Variants in ACVR1 observed in about 807,000 individuals in gnomAD.
The protein encoded by ACVR1 is activin receptor type-1.
ACVR1 carries 38 observed loss-of-function variants against 57.1 expected under a neutral mutation model. The observed-to-expected ratio is 0.67, with a 90% confidence interval of 0.51 to 0.87. The LOEUF (loss-of-function observed/expected upper bound fraction) is 0.87, where lower values mean the gene tolerates loss of function less well. Ranked by LOEUF, ACVR1 falls within the 40% of genes least tolerant of loss-of-function variation. The pLI is 0.00. For missense variants in ACVR1, 463 were observed against 638.2 expected (o/e 0.73, Z 2.96); for synonymous variants, 212 against 228.1 (o/e 0.93, Z 0.63).
intron 1 of ACVR1, among the ~76,000 whole-genome samples, chr2:157,864,638 T>C (rs1328979886): frequency 6.6e-6 from 1 of 152,192 alleles, no homozygotes; most frequent in Non-Finnish European, 1.5e-5. Context: ...TGGCTAAATA[T>C]CTCAAAATTT....
rs552652322 is a variant in ACVR1, at chr2:157,841,454, A to G, written c.-182-22895T>C. Among the ~76,000 whole-genome samples, 8 of 152,330 alleles carry G rather than the reference A, an allele frequency of 5.3e-5. No homozygotes were observed. In the East Asian group the frequency reaches 1.3e-3, roughly 26 times the overall value. On this transcript the variant is annotated intron_variant, in intron 1 of 10. Transcript: ENST00000434821. ...CAAGAAGGCCACTAAGACTGCTTAG[A>G]CATGTATTTTAACGACCGCATTTAC... is the stretch of plus-strand genomic sequence containing the variant.
At position 157,736,762 on chromosome 2, in the gene ACVR1, A is replaced by C. The variant is rs1051731069; in HGVS notation, c.*769T>G. ...TGATTTTAACTGATAATAAAAGAAA[A>C]TGTCCATTTTAGAGTATAGTGTTAA... is the stretch of plus-strand genomic sequence containing the variant. On this transcript the variant is annotated 3_prime_UTR_variant, in exon 11 of 11. Transcript: ENST00000434821. 11 of 344,430 alleles carry C rather than the reference A, an allele frequency of 3.2e-5. 1 individual carries two copies. The Admixed American group carries it at 5.4e-4, about 17-fold the overall frequency. 21.3% of individuals were successfully genotyped at this position (344,430 alleles called of 1,614,324 possible). A position where few individuals can be genotyped will look rare whatever the true frequency, so the allele number is the denominator to read the frequency against.
At chr2:157,836,071 C>T (rs983221477) in intron 1 of ACVR1, among the ~76,000 whole-genome samples, 1 of 152,194 alleles carries the variant, frequency 6.6e-6, no homozygotes, top group Non-Finnish European at 1.5e-5. Context: ...GACGACCTGA[C>T]ATTTAGAAAA....
chr2:157,810,740 A>T (rs1687723003), intron 2 of ACVR1, among the ~76,000 whole-genome samples: 1 of 151,610 alleles, frequency 6.6e-6, no homozygotes, highest in South Asian at 2.1e-4. Context: ...AACTACCACC[A>T]CCTCCTCAGC....
At position 157,862,869 on chromosome 2, in the gene ACVR1, C is replaced by CA. The variant is rs1158581005; in HGVS notation, c.-183+12926dup. On this transcript the variant is annotated intron_variant, in intron 1 of 10. Coordinates refer to ENST00000434821, the MANE Select transcript of ACVR1 (RefSeq NM_001111067.4). ...TGGGCGACAGAGCGAGACTCCGTCT[C>CA]AAAAAAAAAAAAAAAGAAAAGGTAA... Among the ~76,000 whole-genome samples, 3 of 141,616 alleles carry CA rather than the reference C, an allele frequency of 2.1e-5. 1 individual carries two copies. The highest frequency in any genetic ancestry group is 8.8e-5 in the African/African-American group (3 of 34,248). The allele number at this position is 141,616 out of a possible 152,430, so 92.9% of individuals were successfully genotyped here.
intron 1 of ACVR1, among the ~76,000 whole-genome samples, chr2:157,841,518 G>A (rs1271646150): frequency 6.6e-6 from 1 of 152,128 alleles, no homozygotes; most frequent in East Asian, 1.9e-4. Context: ...AAACAAAATT[G>A]TCAGGACTTA....
intron 1 of ACVR1, among the ~76,000 whole-genome samples, chr2:157,867,093 C>T (rs1272717170): frequency 6.6e-6 from 1 of 152,212 alleles, no homozygotes; most frequent in Admixed American, 6.5e-5. Context: ...CCCAACGCCA[C>T]AATCCATTCC....
rs981660425 is a variant in ACVR1 at position 157,785,662 on chromosome 2, T to G, written c.68-5062A>C. On this transcript the variant is annotated intron_variant, in intron 3 of 10. Transcript: ENST00000434821. ...CATTTAGGGAACTCAAATCATTTTT[T>G]TTCCTTATCCGAGAGACTGACACCT... Among the ~76,000 whole-genome samples, 14 of 152,312 alleles carry G rather than the reference T, an allele frequency of 9.2e-5. 1 individual carries two copies. Among genetic ancestry groups the G allele is most frequent in the Admixed American group, 7.8e-4 (12 of 15,296 alleles).
At chr2:157,861,059 C>T (rs567313497) in intron 1 of ACVR1, among the ~76,000 whole-genome samples, 5 of 152,274 alleles carry the variant, frequency 3.3e-5, no homozygotes, top group African/African-American at 4.8e-5. Context: ...AGGCCCTTTC[C>T]CCACCTGACA....
chr2:157,829,365 AAC>A (rs1353027265), intron 1 of ACVR1, among the ~76,000 whole-genome samples: 1 of 152,198 alleles, frequency 6.6e-6, no homozygotes, highest in Non-Finnish European at 1.5e-5. Flanking sequence ...CGCTGCCTAC[AAC>A]CCAGCCCAGG....
chr2:157,852,282 G>C (rs556545612), intron 1 of ACVR1, among the ~76,000 whole-genome samples: 2 of 152,124 alleles, frequency 1.3e-5, no homozygotes, highest in Middle Eastern at 3.4e-3. Context: ...TGGATCGCTT[G>C]AGCTCAGAAA....
At chr2:157,826,153 C>A (rs1688340743) in intron 1 of ACVR1, among the ~76,000 whole-genome samples, 1 of 152,150 alleles carries the variant, frequency 6.6e-6, no homozygotes, top group Non-Finnish European at 1.5e-5. Flanking sequence ...CAGGCCAGGA[C>A]CAGATTTTCT....
At chr2:157,763,360 C>A (rs968607783) in intron 8 of ACVR1, among the ~76,000 whole-genome samples, 4 of 152,054 alleles carry the variant, frequency 2.6e-5, no homozygotes, top group African/African-American at 9.7e-5. Flanking sequence ...AAAGTTTTAA[C>A]AATTATTGAA....
chr2:157,855,239 A>G (rs1689468563), intron 1 of ACVR1, among the ~76,000 whole-genome samples: 1 of 144,984 alleles, frequency 6.9e-6, no homozygotes. Context: ...CAACATGGTG[A>G]AACCTCGTCT....
At chr2:157,758,652 G>A (rs998590114) in intron 9 of ACVR1, among the ~76,000 whole-genome samples, 1 of 151,984 alleles carries the variant, frequency 6.6e-6, no homozygotes, top group African/African-American at 2.4e-5. Context: ...CATCTAGACA[G>A]AAAAATCCAA....
chr2:157,780,652 A>G (rs1686480995), intron 3 of ACVR1, 52 bp from the exon 4 acceptor site: 3 of 1,597,726 alleles, frequency 1.9e-6, no homozygotes, highest in Middle Eastern at 1.7e-4. Flanking sequence ...GAATTACCGT[A>G]TGAGTTTCAC....
intron 9 of ACVR1, among the ~76,000 whole-genome samples, chr2:157,745,579 A>G (rs1684935575): frequency 1.3e-5 from 2 of 152,236 alleles, no homozygotes; most frequent in Non-Finnish European, 2.9e-5. Context: ...AATCAGGGAC[A>G]TGAAATTCCA....
chr2:157,798,836 G>A (rs1687216615), intron 3 of ACVR1, among the ~76,000 whole-genome samples: 1 of 151,084 alleles, frequency 6.6e-6, no homozygotes, highest in African/African-American at 2.4e-5. Context: ...CCTCGCATTT[G>A]TTTAAACACA....
intron 1 of ACVR1, among the ~76,000 whole-genome samples, chr2:157,830,481 T>G (rs977106621): frequency 2.6e-5 from 4 of 152,182 alleles, no homozygotes; most frequent in Non-Finnish European, 4.4e-5. Flanking sequence ...TACCAACGTT[T>G]CTGATTTCAT....
Sources: gnomAD v4.1 joint callset for allele counts (sites outside exome capture counted in the v4.1 genomes callset) on GRCh38, gnomAD v4.1.1 for gene constraint, MANE v1.5 for transcripts, NCBI Gene and HGNC (gene_info 2026-07-23, HGNC 2026-07-21) for gene names.